The following RASGRP3 variants were observed in gnomAD, a reference collection of about 807,000 sequenced individuals.
RASGRP3 encodes RAS guanyl releasing protein 3, also known as ras guanyl-releasing protein 3.
In RASGRP3, 54 loss-of-function variants were observed where a neutral mutation model predicts 82.7. The observed-to-expected ratio is 0.65, with a 90% CI of 0.52 to 0.82. The LOEUF is 0.82. RASGRP3 is among the 40% of genes least tolerant of loss of function. RASGRP3 has a pLI of 0.00. For synonymous variants in RASGRP3, 309 were observed against 300.5 expected (o/e 1.03, Z -0.29); for missense variants, 861 against 828.9 (o/e 1.04, Z -0.48).
intron 15 of RASGRP3, among the ~76,000 whole-genome samples, chr2:33,556,231 C>CTTTTTTTTTTTTTTTTTTTT (rs573022728): frequency 1.7e-4 from 10 of 57,494 alleles, no homozygotes; most frequent in Admixed American, 4.5e-4. Flanking sequence ...TTCTAATAAT[C>CTTTTTTTTTTTTTTTTTTTT]TTTTTTTTTT....
At chr2:33,545,291 G>C (rs1256117669) in intron 13 of RASGRP3, among the ~76,000 whole-genome samples, 1 of 152,178 alleles carries the variant, frequency 6.6e-6, no homozygotes, top group Admixed American at 6.5e-5. Context: ...GTTAATACTG[G>C]AAAGTCTCAA....
At chr2:33,514,867 G>A (rs1671295392) in intron 2 of RASGRP3, 143 bp from the exon 3 acceptor site, 1 of 435,944 alleles carries the variant, frequency 2.3e-6, no homozygotes, top group Non-Finnish European at 4.2e-6. Flanking sequence ...ATAAAAGGTT[G>A]ATGTAATCTC....
rs533974260 is a variant in RASGRP3, at chr2:33,530,607, T to A, written c.1083+3195T>A. ...GGGCCGGGTTCCCCTCAAATGGACA[T>A]TTGCTCTCTCATGTGGGCACACTGC... On this transcript the variant is annotated intron_variant, in intron 10 of 17. Transcript: ENST00000403687. Among the ~76,000 whole-genome samples, 11 of 151,858 alleles carry A rather than the reference T, an allele frequency of 7.2e-5. No individual in the cohort carries two copies. In the South Asian group the frequency reaches 2.3e-3, roughly 32 times the overall value.
chr2:33,543,334 T>TA (rs1574469598), intron 12 of RASGRP3, among the ~76,000 whole-genome samples, 178 bp from the exon 13 acceptor site: 1 of 152,226 alleles, frequency 6.6e-6, no homozygotes, highest in Non-Finnish European at 1.5e-5. Context: ...ACTCTGTTTT[T>TA]ATCCTCATCA....
At chr2:33,501,449 T>G (rs980217471) in intron 1 of RASGRP3, among the ~76,000 whole-genome samples, 5 of 152,188 alleles carry the variant, frequency 3.3e-5, no homozygotes, top group African/African-American at 1.2e-4. Context: ...TAACTCTATG[T>G]TTAAGTTTTT....
chr2:33,522,203 C>G lies in RASGRP3; in HGVS notation c.516+101C>G. On this transcript the variant is annotated intron_variant, in intron 7 of 17. Coordinates refer to ENST00000403687, the MANE Select transcript of RASGRP3 (RefSeq NM_001139488.2). ...TCTGAAGTGTTGGCAGCTTCTATCA[C>G]TGTGCTCTGCTGGAGAAGTGCCCTT... is the stretch of plus-strand genomic sequence containing the variant. 5.3e-6 allele frequency: 7 copies of G among 1,324,224 alleles called. 1 individual carries two copies. The South Asian group carries it at 8.7e-5, about 16-fold the overall frequency. The allele number at this position is 1,324,224 out of a possible 1,614,324, so 82.0% of individuals were successfully genotyped here. A position where few individuals can be genotyped will look rare whatever the true frequency, so the allele number is the denominator to read the frequency against.
At chr2:33,548,424 G>T (rs975288377) in intron 13 of RASGRP3, among the ~76,000 whole-genome samples, 8 of 151,364 alleles carry the variant, frequency 5.3e-5, no homozygotes, top group Admixed American at 1.3e-4. Context: ...ATGGCAGCAG[G>T]ACTGAAGAAG....
intron 2 of RASGRP3, among the ~76,000 whole-genome samples, chr2:33,470,505 G>A (rs11682095): frequency 0.59 from 88,581 of 151,068 alleles, 26,592 homozygotes; most frequent in African/African-American, 0.62. Context: ...TCAGCCTCCC[G>A]AGTAGCTGGG....
intron 15 of RASGRP3, among the ~76,000 whole-genome samples, chr2:33,556,630 G>T (rs941631547): frequency 6.6e-6 from 1 of 152,260 alleles, no homozygotes; most frequent in South Asian, 2.1e-4. Flanking sequence ...ACCTTCAGAT[G>T]AATGTTGTTC....
chr2:33,528,433 T>C (rs1672788604), intron 10 of RASGRP3, among the ~76,000 whole-genome samples: 1 of 152,222 alleles, frequency 6.6e-6, no homozygotes, highest in African/African-American at 2.4e-5. Context: ...TGGCTGCTGC[T>C]TTGTGGGAAG....
intron 5 of RASGRP3, 125 bp from the exon 6 acceptor site, chr2:33,520,428 T>G: frequency 7.9e-7 from 1 of 1,270,566 alleles, no homozygotes; most frequent in South Asian, 1.4e-5. Flanking sequence ...AGATGGCTAA[T>G]TTGAAGTGTG....
chr2:33,556,890 T>C (rs1409952840), intron 15 of RASGRP3, among the ~76,000 whole-genome samples: 13 of 130,860 alleles, frequency 9.9e-5, no homozygotes, highest in East Asian at 4.3e-4. Flanking sequence ...TACCCTAAAA[T>C]ACACACACAC....
At position 33,522,395 on chromosome 2, in the gene RASGRP3, G is replaced by T. The variant is rs149525316; in HGVS notation, c.516+293G>T. ...GATTTAACCATTCAAGGTTGATTTA[G>T]CTCCATTGACTTCTCCCAAGTGAAC... On this transcript the variant is annotated intron_variant, in intron 7 of 17. Coordinates refer to ENST00000403687, the MANE Select transcript of RASGRP3 (RefSeq NM_001139488.2). Among the ~76,000 whole-genome samples the T allele has an allele frequency of 5.4e-3, 816 of 152,254 alleles. 2 individuals are homozygous for T. Among genetic ancestry groups the T allele is most frequent in the Middle Eastern group, 0.021 (6 of 292 alleles).
chr2:33,494,301 G>A (rs1435250751), intron 1 of RASGRP3, among the ~76,000 whole-genome samples: 1 of 152,176 alleles, frequency 6.6e-6, no homozygotes, highest in Non-Finnish European at 1.5e-5. Flanking sequence ...GATGAAACCA[G>A]GTGCTTAGAG....
chr2:33,555,133 T>A (rs1675801991), intron 14 of RASGRP3: 2 of 164,448 alleles, frequency 1.2e-5, no homozygotes, highest in Non-Finnish European at 2.6e-5. Flanking sequence ...TGAGGTGCGC[T>A]TCTTCCATTG....
chr2:33,499,426 G>C (rs1669647176), intron 1 of RASGRP3, among the ~76,000 whole-genome samples: 1 of 152,060 alleles, frequency 6.6e-6, no homozygotes, highest in Non-Finnish European at 1.5e-5. Flanking sequence ...GGGTGTGGTG[G>C]TGCGCACATG....
At chr2:33,467,988 C>CTTTT (rs1666807668) in intron 2 of RASGRP3, among the ~76,000 whole-genome samples, 1 of 26,300 alleles carries the variant, frequency 3.8e-5, no homozygotes, top group African/African-American at 1.7e-4. Flanking sequence ...CTTTTTCTTT[C>CTTTT]TTTCTTTCTT....
In RASGRP3 at chr2:33,558,563, C is replaced by T. The variant is rs144293820; in HGVS notation, c.1706-109C>T. ...CGGCTAATTGAGTTCTGTCCCTTGTCGGTTCCTCTAGAATGTTGCATGCCA... is the reference window on the plus strand; with the variant it reads ...CGGCTAATTGAGTTCTGTCCCTTGTTGGTTCCTCTAGAATGTTGCATGCCA... On this transcript the variant is annotated intron_variant, in intron 16 of 17. Coordinates refer to ENST00000403687, the MANE Select transcript of RASGRP3 (RefSeq NM_001139488.2). 2.2e-4 allele frequency: 253 copies of T among 1,143,712 alleles called. 3 individuals carry two copies. The African/African-American group carries it at 3.5e-3, about 16-fold the overall frequency. The allele number at this position is 1,143,712 out of a possible 1,614,324, so 70.8% of individuals were successfully genotyped here. A position where few individuals can be genotyped will look rare whatever the true frequency, so the allele number is the denominator to read the frequency against.
chr2:33,461,903 C>T (rs927945968), intron 2 of RASGRP3, among the ~76,000 whole-genome samples: 1 of 152,198 alleles, frequency 6.6e-6, no homozygotes, highest in Non-Finnish European at 1.5e-5. Flanking sequence ...GCCCAGGCCT[C>T]ACGAGGTTAT....
Sources: gnomAD v4.1 joint callset for allele counts (sites outside exome capture counted in the v4.1 genomes callset) on GRCh38, gnomAD v4.1.1 for gene constraint, MANE v1.5 for transcripts, NCBI Gene and HGNC (gene_info 2026-07-23, HGNC 2026-07-21) for gene names.